FAM184A: variants seen among roughly 807,000 people sequenced by gnomAD.
FAM184A encodes family with sequence similarity 184 member A, also known as protein FAM184A.
A neutral mutation model predicts 143.8 loss-of-function variants in FAM184A; 99 were observed. The observed-to-expected ratio is 0.69, with a 90% CI of 0.58 to 0.81. FAM184A has a LOEUF of 0.81. Ranked by LOEUF, FAM184A falls within the 40% of genes least tolerant of loss-of-function variation. FAM184A has a pLI of 0.00. For synonymous variants in FAM184A, 427 were observed against 446.4 expected, an observed-to-expected ratio of 0.96 and a Z score of 0.55; for missense variants, 1,217 against 1,310.5, an observed-to-expected ratio of 0.93 and a Z score of 1.10.
At chr6:118,971,200 A>C (rs977569596) in intron 14 of FAM184A, among the ~76,000 whole-genome samples, 3 of 152,238 alleles carry the variant, frequency 2.0e-5, no homozygotes, top group African/African-American at 7.2e-5. Flanking sequence ...TCCGTACCTC[A>C]CAAAGCTTAC....
intron 1 of FAM184A, among the ~76,000 whole-genome samples, chr6:119,105,447 G>A (rs1169070224): frequency 6.6e-6 from 1 of 152,108 alleles, no homozygotes; most frequent in African/African-American, 2.4e-5. Flanking sequence ...TGTCTCTCCT[G>A]CTCCACCATG....
At chr6:119,004,785 A>G (rs900317329) in intron 7 of FAM184A, among the ~76,000 whole-genome samples, 1 of 152,192 alleles carries the variant, frequency 6.6e-6, no homozygotes, top group Non-Finnish European at 1.5e-5. Context: ...AGTGTTTATT[A>G]TTTTCTACTA....
intron 9 of FAM184A, among the ~76,000 whole-genome samples, chr6:118,995,412 C>G (rs919336691): frequency 3.9e-5 from 6 of 151,974 alleles, no homozygotes; most frequent in Non-Finnish European, 7.4e-5. Flanking sequence ...GAGTGAGACC[C>G]TGTCTCCAAA....
At chr6:119,107,068 T>C (rs6899424) in intron 1 of FAM184A, among the ~76,000 whole-genome samples, 5,332 of 152,216 alleles carry the variant, frequency 0.035, 176 homozygotes, top group African/African-American at 0.081. Context: ...AAATCTATTA[T>C]CCTGAAATTG....
chr6:119,083,109 C>A (rs1788115926), upstream of FAM184A, among the ~76,000 whole-genome samples: 1 of 152,244 alleles, frequency 6.6e-6, no homozygotes, highest in Non-Finnish European at 1.5e-5. Context: ...CCCTCTGAAG[C>A]AACAGCCTGA....
intron 14 of FAM184A, among the ~76,000 whole-genome samples, chr6:118,971,675 A>G (rs559726190): frequency 1.3e-5 from 2 of 152,336 alleles, no homozygotes; most frequent in South Asian, 4.1e-4. Context: ...GAACTCTCTG[A>G]AAAATCTAAA....
At chr6:119,134,218 G>T (rs995823267) in intron 1 of FAM184A, among the ~76,000 whole-genome samples, 3 of 151,850 alleles carry the variant, frequency 2.0e-5, no homozygotes, top group Non-Finnish European at 2.9e-5. Context: ...ACAAAAATGG[G>T]GAAAACACAG....
intron 1 of FAM184A, among the ~76,000 whole-genome samples, chr6:119,130,959 C>T (rs1052817652): frequency 2.0e-5 from 3 of 150,054 alleles, no homozygotes; most frequent in African/African-American, 4.9e-5. Flanking sequence ...CGGGTTCAAA[C>T]AATTCTCCCT....
chr6:119,101,347 C>T lies in FAM184A; in HGVS notation c.-202+47731G>A, dbSNP rs909526882. ...TCGGCCTCCCAAAGTGCTGGGATTA[C>T]AGGCGTGAACCACTGCGCCCAGCCA... On this transcript the variant is annotated intron_variant, in intron 1 of 16. Coordinates refer to the FAM184A transcript ENST00000352896. Among the ~76,000 whole-genome samples, 4 of 152,176 alleles carry T rather than the reference C, an allele frequency of 2.6e-5. No homozygotes were observed. The East Asian group carries it at 7.8e-4, about 30-fold the overall frequency.
rs768989755 is a variant in FAM184A at position 118,961,832 on chromosome 6, G to A, written c.3270C>T (p.His1090=). The A allele has an allele frequency of 1.8e-5, 29 of 1,613,734 alleles. No individual in the cohort carries two copies. Among genetic ancestry groups the A allele is most frequent in the Admixed American group, 6.7e-5 (4 of 59,944 alleles). Reference sequence around the variant, plus strand: ...GTTTGCTGCTGTTGAACTCAATATCGTGGACTGGAGAATTAGGAATGGGAT... The same window carrying A: ...GTTTGCTGCTGTTGAACTCAATATCATGGACTGGAGAATTAGGAATGGGAT... The part of the protein sequence containing the change: ...RLDPIPNSPV[H]DIEFNSSKPL... The change falls in exon 17 of 18, where the codon CAC becomes CAT. Residue 1090 remains histidine (H), a synonymous_variant. Coordinates refer to ENST00000338891, the MANE Select transcript of FAM184A (RefSeq NM_024581.6).
At chr6:118,986,734 A>C (rs948973128) in intron 9 of FAM184A, among the ~76,000 whole-genome samples, 3 of 152,260 alleles carry the variant, frequency 2.0e-5, no homozygotes, top group African/African-American at 7.2e-5. Context: ...GCTGTCACAA[A>C]TATTCTAAAG....
chr6:118,977,471 T>C (rs1200049668), intron 11 of FAM184A, among the ~76,000 whole-genome samples: 1 of 152,064 alleles, frequency 6.6e-6, no homozygotes, highest in Non-Finnish European at 1.5e-5. Context: ...TCCCAGCTAC[T>C]TAGGAGGCTG....
chr6:118,980,229 T>C lies in FAM184A; in HGVS notation c.2210A>G (p.Glu737Gly). The change falls in exon 10 of 18, where the codon GAG becomes GGG. Residue 737 changes from glutamate (E) to glycine (G), a missense_variant. Physicochemically the swap from Glu to Gly is moderately conservative, Grantham distance 98. Transcript: ENST00000338891. ...QRLTQELEEL[E>G]EQHQQRHKSL... ...TTTGTGTCTTTGCTGATGTTGCTCC[T>C]CTAATTCTTCAAGCTCTTGCGTAAG... 6.2e-7 allele frequency: 1 copy of C among 1,614,208 alleles called. No individual in the cohort carries two copies. The highest frequency in any genetic ancestry group is 1.1e-5 in the South Asian group (1 of 91,088).
At chr6:119,146,571 C>T (rs1772441791) in intron 1 of FAM184A, among the ~76,000 whole-genome samples, 2 of 152,006 alleles carry the variant, frequency 1.3e-5, no homozygotes, top group African/African-American at 4.8e-5. Context: ...GCAAGGACTA[C>T]CAGTATAAGC....
intron 14 of FAM184A, among the ~76,000 whole-genome samples, chr6:118,971,863 A>AAGC (rs373451384): frequency 0.025 from 3,798 of 151,832 alleles, 66 homozygotes; most frequent in Middle Eastern, 0.096. Flanking sequence ...GCAGGAGCAG[A>AAGC]AGCAAGAAGC....
At chr6:119,039,113 A>G (rs1214094543) in intron 1 of FAM184A, among the ~76,000 whole-genome samples, 1 of 152,236 alleles carries the variant, frequency 6.6e-6, no homozygotes, top group Non-Finnish European at 1.5e-5. Context: ...CACGACACAC[A>G]TATTAGATCT....
At chr6:119,065,331 C>G (rs1228204738) in intron 1 of FAM184A, among the ~76,000 whole-genome samples, 1 of 152,154 alleles carries the variant, frequency 6.6e-6, no homozygotes, top group Non-Finnish European at 1.5e-5. Flanking sequence ...ATTTCTAGCC[C>G]TAGTCAACTC....
chr6:118,976,681 T>C (rs1386894137), intron 11 of FAM184A, among the ~76,000 whole-genome samples: 1 of 149,488 alleles, frequency 6.7e-6, no homozygotes, highest in Non-Finnish European at 1.5e-5. Context: ...AAAAAAAGAA[T>C]GAAATTTTAG....
chr6:119,140,871 G>A (rs914186547), intron 1 of FAM184A, among the ~76,000 whole-genome samples: 1 of 152,148 alleles, frequency 6.6e-6, no homozygotes, highest in African/African-American at 2.4e-5. Context: ...TTCTATTAAC[G>A]CTAGAATTGA....
Sources: gnomAD v4.1 joint callset for allele counts (sites outside exome capture counted in the v4.1 genomes callset) on GRCh38, gnomAD v4.1.1 for gene constraint, MANE v1.5 for transcripts, NCBI Gene and HGNC (gene_info 2026-07-23, HGNC 2026-07-21) for gene names.